The following ABCA10 variants were observed in gnomAD, a reference collection of about 807,000 sequenced individuals.
ABCA10 encodes the protein ATP-binding cassette sub-family A member 10.
In ABCA10, 169 loss-of-function variants were observed where a neutral mutation model predicts 187.5. That is an observed-to-expected ratio of 0.90 (90% CI 0.80 to 1.02). The LOEUF is 1.02. Among genes scored for constraint, ABCA10 ranks in the 50% least tolerant of loss-of-function variants. The probability of loss-of-function intolerance (pLI) is 0.00; values close to 1 mark genes in which losing one functional copy is unlikely to be tolerated. For synonymous variants in ABCA10, 574 were observed against 601.8 expected (o/e 0.95, Z 0.68); for missense variants, 1,727 against 1,812.4 (o/e 0.95, Z 0.86).
chr17:69,236,561 ACCT>A (rs1331149460), intron 1 of ABCA10, among the ~76,000 whole-genome samples: 1 of 152,206 alleles, frequency 6.6e-6, no homozygotes, highest in African/African-American at 2.4e-5. Flanking sequence ...TCAAGAATCT[ACCT>A]CCTTTCAGCA....
upstream of ABCA10, among the ~76,000 whole-genome samples, chr17:69,232,592 A>T (rs974402018): frequency 2.0e-5 from 3 of 152,120 alleles, no homozygotes; most frequent in Admixed American, 6.6e-5. Flanking sequence ...TTAGCAAATA[A>T]TTTATTATTT....
Position 69,164,081 on chromosome 17 carries a change from G to T in ABCA10, c.3356C>A (p.Thr1119Asn), listed in dbSNP as rs1386952066. The stretch of plus-strand genomic sequence containing the variant: ...GTAGAAAATGTTCCTTACTATTAAG[G>T]TTGTTAAAAGAATGGTTTTATTGAC... Reference protein sequence around the residue: ...NEVNKTILLTTLIPYLQSVIF... With the variant: ...NEVNKTILLTNLIPYLQSVIF... The change falls in exon 27 of 39, where the codon ACC becomes AAC. Residue 1119 changes from threonine to asparagine, a missense_variant. Thr to Asn is a moderately conservative substitution (Grantham distance 65). Coordinates refer to ENST00000690296, the MANE Select transcript of ABCA10 (RefSeq NM_001377321.1). 2 of 1,570,406 alleles carry T rather than the reference G, an allele frequency of 1.3e-6. No homozygotes were observed. Among genetic ancestry groups the T allele is most frequent in the Non-Finnish European group, 8.6e-7 (1 of 1,162,848 alleles).
At chr17:69,211,132 C>T (rs1015999543) in intron 9 of ABCA10, among the ~76,000 whole-genome samples, 4 of 150,688 alleles carry the variant, frequency 2.7e-5, no homozygotes, top group Non-Finnish European at 5.9e-5. Context: ...TACTAGTTAT[C>T]CACCCAGAGG....
chr17:69,182,891 C>G (rs977134176), intron 20 of ABCA10, 83 bp from the exon 21 acceptor site: 37 of 1,488,194 alleles, frequency 2.5e-5, no homozygotes, highest in Non-Finnish European at 3.0e-5. Context: ...ATAATGATTG[C>G]CAATCGTGTT....
chr17:69,193,541 C>T lies in ABCA10; in HGVS notation c.1593G>A (p.Gly531=), dbSNP rs763257506. ...QDIIAKKLSG[G]QKRKLTLGIA... ...TCCCTAGTGTTAGTTTTCTCTTCTG[C>T]CCACCACTTAATTTTTTAGCAATAA... The change falls in exon 14 of 39, where the codon GGG becomes GGA. Residue 531 remains glycine, a synonymous_variant. Coordinates refer to ENST00000690296, the MANE Select transcript of ABCA10 (RefSeq NM_001377321.1). The T allele has an allele frequency of 6.2e-7, 1 of 1,613,572 alleles. No individual in the cohort carries two copies. The highest frequency in any genetic ancestry group is 1.1e-5 in the South Asian group (1 of 91,022).
At chr17:69,203,511 T>G (rs2074564209) in intron 9 of ABCA10, among the ~76,000 whole-genome samples, 1 of 152,160 alleles carries the variant, frequency 6.6e-6, no homozygotes, top group South Asian at 2.1e-4. Flanking sequence ...TCTACATAAT[T>G]AACCACCAAA....
chr17:69,174,726 A>G lies in ABCA10; in HGVS notation c.2929T>C (p.Trp977Arg), dbSNP rs1218010527. 8.1e-6 allele frequency: 13 copies of G among 1,607,366 alleles called. No individual in the cohort carries two copies. Among genetic ancestry groups the G allele is most frequent in the Non-Finnish European group, 1.0e-5 (12 of 1,177,042 alleles). The change falls in exon 24 of 39, where the codon TGG (tryptophan) becomes CGG (arginine). Residue 977 changes from tryptophan to arginine, a missense_variant. Coordinates refer to ENST00000690296, the MANE Select transcript of ABCA10 (RefSeq NM_001377321.1). ...WISGLWPSAY[W>R]CGQALVDIPL... Reference sequence around the variant, plus strand: ...ATGTCCACCAGAGCCTGTCCACACCAGTATGCTGAAGGCCAGAGGCCTGAA... The same window carrying G: ...ATGTCCACCAGAGCCTGTCCACACCGGTATGCTGAAGGCCAGAGGCCTGAA...
chr17:69,215,687 T>A (rs1163019449), intron 8 of ABCA10, 128 bp downstream of exon 8: 1 of 928,968 alleles, frequency 1.1e-6, no homozygotes, highest in East Asian at 3.2e-5. Context: ...TCTTATTTAG[T>A]TTCTCAACAG....
intron 22 of ABCA10, among the ~76,000 whole-genome samples, chr17:69,181,527 T>G (rs1199891128): frequency 6.6e-6 from 1 of 151,942 alleles, no homozygotes; most frequent in Admixed American, 6.6e-5. Flanking sequence ...AACATAACTC[T>G]ACAGCATACC....
intron 19 of ABCA10, among the ~76,000 whole-genome samples, chr17:69,186,695 C>T (rs1236078554): frequency 3.3e-5 from 5 of 152,134 alleles, no homozygotes; most frequent in African/African-American, 7.2e-5. Context: ...TTGGCTTAAA[C>T]GTAACAATTT....
intron 30 of ABCA10, 113 bp downstream of exon 30, chr17:69,154,906 A>C: frequency 1.5e-6 from 1 of 662,442 alleles, no homozygotes; most frequent in Non-Finnish European, 2.5e-6. Flanking sequence ...ATAATTACAC[A>C]TTAACCAGGA....
At chr17:69,206,118 T>C (rs1285584564) in intron 9 of ABCA10, among the ~76,000 whole-genome samples, 2 of 152,030 alleles carry the variant, frequency 1.3e-5, no homozygotes, top group African/African-American at 2.4e-5. Flanking sequence ...AACATTATTG[T>C]TCTTATTAAA....
intron 1 of ABCA10, among the ~76,000 whole-genome samples, chr17:69,239,884 T>C (rs373014218): frequency 9.8e-5 from 15 of 152,340 alleles, no homozygotes; most frequent in African/African-American, 2.9e-4. Flanking sequence ...CAAACTCATA[T>C]AGTACACCCA....
chr17:69,217,110 G>A (rs181436335), intron 6 of ABCA10, among the ~76,000 whole-genome samples: 1 of 152,146 alleles, frequency 6.6e-6, no homozygotes, highest in East Asian at 1.9e-4. Flanking sequence ...AGCTGGGTGA[G>A]GTGGCGGGCA....
At chr17:69,213,541 C>T (rs1271538685) in intron 9 of ABCA10, among the ~76,000 whole-genome samples, 1 of 152,212 alleles carries the variant, frequency 6.6e-6, no homozygotes, top group African/African-American at 2.4e-5. Context: ...CCAGCTCCCA[C>T]ACAGTCAGCA....
chr17:69,153,896 C>A lies in ABCA10; in HGVS notation c.3900G>T (p.Glu1300Asp). The A allele has an allele frequency of 1.2e-6, 2 of 1,614,122 alleles. No homozygotes were observed. Among genetic ancestry groups the A allele is most frequent in the Non-Finnish European group, 1.7e-6 (2 of 1,179,990 alleles). The change falls in exon 32 of 39, where the codon GAG becomes GAT. Residue 1300 changes from glutamate (E) to aspartate (D), a missense_variant. Coordinates refer to ENST00000690296, the MANE Select transcript of ABCA10 (RefSeq NM_001377321.1). ...TCACAGCTGCATACAACTCCAAGTG[C>A]TCTTTCATTGTAAGCTTGGGCCACA... ...NSLWPKLTMK[E>D]HLELYAAVKG...
At chr17:69,150,161 TTAAA>T (rs2074117684) in intron 36 of ABCA10, 98 bp from the exon 37 acceptor site, 1 of 806,436 alleles carries the variant, frequency 1.2e-6, no homozygotes. Flanking sequence ...AATGTGTTCT[TTAAA>T]TAAGTGTCTG....
At chr17:69,210,467 G>A (rs2074634025) in intron 9 of ABCA10, among the ~76,000 whole-genome samples, 5 of 151,828 alleles carry the variant, frequency 3.3e-5, no homozygotes, top group Admixed American at 2.6e-4. Context: ...GGGATTACAG[G>A]CGTGAGCCAC....
chr17:69,149,282 T>C (rs932098048), intron 37 of ABCA10, 194 bp from the exon 38 acceptor site: 3 of 584,108 alleles, frequency 5.1e-6, no homozygotes, highest in Non-Finnish European at 8.7e-6. Context: ...CATATTCAGT[T>C]TCCTATAAAC....
Sources: gnomAD v4.1 joint callset for allele counts (sites outside exome capture counted in the v4.1 genomes callset) on GRCh38, gnomAD v4.1.1 for gene constraint, MANE v1.5 for transcripts, NCBI Gene and HGNC (gene_info 2026-07-23, HGNC 2026-07-21) for gene names.